TCF15: variants seen among roughly 807,000 people sequenced by gnomAD.
TCF15 encodes the protein transcription factor 15, also known as TCF-15.
Under a neutral mutation model 11.1 loss-of-function variants are expected in TCF15, and 7 were observed. The ratio of observed to expected loss-of-function variants is 0.63; its 90% CI spans 0.36 to 1.19. The LOEUF (loss-of-function observed/expected upper bound fraction) is 1.19, where lower values mean the gene tolerates loss of function less well. TCF15 is among the 50% of genes most tolerant of loss of function. The pLI, the probability that TCF15 is intolerant of heterozygous loss-of-function variation, is 0.02. For synonymous variants in TCF15, 144 were observed against 138.9 expected (o/e 1.04, Z -0.26); for missense variants, 288 against 289.4 (o/e 1.00, Z 0.03).
At chr20:606,709 T>G (rs923439308) in intron 1 of TCF15, among the ~76,000 whole-genome samples, 3 of 151,962 alleles carry the variant, frequency 2.0e-5, no homozygotes, top group Admixed American at 6.5e-5. Flanking sequence ...TCCCAGCTAC[T>G]TGGGAGGCTG....
At chr20:607,047 C>T (rs1031735252) in intron 1 of TCF15, among the ~76,000 whole-genome samples, 2 of 152,218 alleles carry the variant, frequency 1.3e-5, no homozygotes, top group East Asian at 1.9e-4. Flanking sequence ...TACAGGATCA[C>T]ACAAGCTAAT....
chr20:610,252 T>A lies in TCF15; in HGVS notation c.-15A>T, dbSNP rs1428946947. ...GCGAACGCCATGGGCGCCGGCCGCGTCCCTCCGTGCGCCGCGTCCCAGCGT... is the reference window on the plus strand; with the variant it reads ...GCGAACGCCATGGGCGCCGGCCGCGACCCTCCGTGCGCCGCGTCCCAGCGT... On this transcript the variant is annotated 5_prime_UTR_variant, in exon 1 of 2. Transcript: ENST00000246080. 3.0e-6 allele frequency: 3 copies of A among 992,038 alleles called. No individual in the cohort carries two copies. In the East Asian group the frequency reaches 3.3e-4, roughly 110 times the overall value. 61.5% of individuals were successfully genotyped at this position (992,038 alleles called of 1,614,324 possible).
rs534871026 is a variant in TCF15, at chr20:609,292, C to T, written c.525+421G>A. On this transcript the variant is annotated intron_variant, in intron 1 of 1. Transcript: ENST00000246080. This position sits in a 1 kb window ranked among gnomAD's most constrained non-coding sequence, Gnocchi z 4.7. ...GTGATCCCATCTCTGATGCTCAGATCCTCATCAGGATAAAATGGGCAGAAA... is the reference window on the plus strand; with the variant it reads ...GTGATCCCATCTCTGATGCTCAGATTCTCATCAGGATAAAATGGGCAGAAA... Among the ~76,000 whole-genome samples the T allele has an allele frequency of 6.6e-6, 1 of 152,296 alleles. No homozygotes were observed. The highest frequency in any genetic ancestry group is 1.9e-4 in the East Asian group (1 of 5,176).
Position 609,688 on chromosome 20 carries a change from G to A in TCF15, c.525+25C>T, listed in dbSNP as rs1210330644. The stretch of plus-strand genomic sequence containing the variant: ...CCCCGCCTACCCCGACCTGGCGGCC[G>A]CAGCGAGGGACGCAGCACACTCACC... On this transcript the variant is annotated intron_variant, in intron 1 of 1. Transcript: ENST00000246080. This position sits in a 1 kb window ranked among gnomAD's most constrained non-coding sequence, Gnocchi z 4.7. 1 of 1,336,890 alleles carries A rather than the reference G, an allele frequency of 7.5e-7. No homozygotes were observed. The allele number at this position is 1,336,890 out of a possible 1,614,324, so 82.8% of individuals were successfully genotyped here. A position where few individuals can be genotyped will look rare whatever the true frequency, so the allele number is the denominator to read the frequency against.
Position 604,618 on chromosome 20 carries a change from C to A in TCF15, c.573G>T (p.Val191=), listed in dbSNP as rs368082189. Residue 191 remains valine (V), a synonymous_variant, in exon 2 of 2, where the codon GTG becomes GTT. Transcript: ENST00000246080. The surrounding 1 kb of genome is among the most constrained non-coding windows in gnomAD (Gnocchi z 4.2). ...LGGSCLKVRG[V]APLRGPRR ...ATCTCCGTGGCCCTCGAAGGGGGGC[C>A]ACCCCCCTCACCTTCAAGCAGCTGC... 334 of 1,553,716 alleles carry A rather than the reference C, an allele frequency of 2.1e-4. No homozygotes were observed. In the African/African-American group the frequency reaches 4.1e-3, roughly 19 times the overall value.
chr20:609,905 G>A lies in TCF15; in HGVS notation c.333C>T (p.Ile111=). The A allele has an allele frequency of 6.6e-7, 1 of 1,523,956 alleles. No individual in the cohort carries two copies. Among genetic ancestry groups the A allele is most frequent in the South Asian group, 1.2e-5 (1 of 81,722 alleles). 94.4% of individuals were successfully genotyped at this position (1,523,956 alleles called of 1,614,324 possible). Residue 111 remains isoleucine, a synonymous_variant, in exon 1 of 2, where the codon ATC becomes ATT. Transcript: ENST00000246080. The surrounding 1 kb of genome is among the most constrained non-coding windows in gnomAD (Gnocchi z 4.7). ...AGCTGGACGCCAGGCGCACGGTCTC[G>A]ATCTTGGACAGCTTGCGGTCCACCG... is the stretch of plus-strand genomic sequence containing the variant. ...TEPVDRKLSK[I]ETVRLASSYI...
At chr20:607,976 C>T (rs1600450146) in intron 1 of TCF15, among the ~76,000 whole-genome samples, 1 of 152,198 alleles carries the variant, frequency 6.6e-6, no homozygotes. Flanking sequence ...TTGTGCTCCC[C>T]CTCTGCACTC....
chr20:610,119 C>A lies in TCF15; in HGVS notation c.119G>T (p.Cys40Phe), dbSNP rs906468713. The A allele has an allele frequency of 4.9e-6, 5 of 1,014,274 alleles. No homozygotes were observed. Among genetic ancestry groups the A allele is most frequent in the Non-Finnish European group, 5.9e-6 (5 of 845,868 alleles). The allele number at this position is 1,014,274 out of a possible 1,614,324, so 62.8% of individuals were successfully genotyped here. ...CCGCGCCGCCTCCGGGCCCTCGCAG[C>A]AGCCGAACGACTGGTCCGACGCGTC... ...ESDASDQSFGCCEGPEAARRG... is the reference protein window; with the variant it reads ...ESDASDQSFGFCEGPEAARRG... The change falls in exon 1 of 2, where the codon TGC becomes TTC. Residue 40 changes from cysteine to phenylalanine, a missense_variant. By Grantham distance (205) the Cys-to-Phe change is radical. Coordinates refer to ENST00000246080, the MANE Select transcript of TCF15 (RefSeq NM_004609.4).
intron 1 of TCF15, among the ~76,000 whole-genome samples, chr20:607,475 A>G (rs1334324162): frequency 6.6e-6 from 1 of 152,242 alleles, no homozygotes; most frequent in Non-Finnish European, 1.5e-5. Context: ...AGAGCTCCCC[A>G]AGCCAGCCAG....
chr20:606,110 C>T (rs984658569), intron 1 of TCF15, among the ~76,000 whole-genome samples: 5 of 152,024 alleles, frequency 3.3e-5, no homozygotes, highest in African/African-American at 1.2e-4. Flanking sequence ...AGCCCAGCCT[C>T]CCTCGAGGCT....
At position 609,703 on chromosome 20, in the gene TCF15, G is replaced by A; in HGVS notation, c.525+10C>T. The A allele has an allele frequency of 7.4e-7, 1 of 1,358,970 alleles. No individual in the cohort carries two copies. Among genetic ancestry groups the A allele is most frequent in the Non-Finnish European group, 9.4e-7 (1 of 1,067,082 alleles). 84.2% of individuals were successfully genotyped at this position (1,358,970 alleles called of 1,614,324 possible). ...CCTGGCGGCCGCAGCGAGGGACGCA[G>A]CACACTCACCCCCTTGCGCTGGTTG... On this transcript the variant is annotated intron_variant, in intron 1 of 1. Transcript: ENST00000246080. This position sits in a 1 kb window ranked among gnomAD's most constrained non-coding sequence, Gnocchi z 4.7.
chr20:605,804 G>A (rs972694647), intron 1 of TCF15, among the ~76,000 whole-genome samples: 1 of 152,228 alleles, frequency 6.6e-6, no homozygotes, highest in African/African-American at 2.4e-5. Context: ...GGTCACAGAT[G>A]TTAAAGCACC....
intron 1 of TCF15, among the ~76,000 whole-genome samples, chr20:605,304 TGCATGCCTA>T (rs1170291689): frequency 1.3e-5 from 2 of 152,258 alleles, no homozygotes; most frequent in Non-Finnish European, 2.9e-5. Context: ...CCTGCCTGAC[TGCATGCCTA>T]GCGGCTCACT....
In TCF15 at chr20:604,347, C is replaced by T; in HGVS notation, c.*244G>A. On this transcript the variant is annotated 3_prime_UTR_variant, in exon 2 of 2. Coordinates refer to ENST00000246080, the MANE Select transcript of TCF15 (RefSeq NM_004609.4). The surrounding 1 kb of genome is among the most constrained non-coding windows in gnomAD (Gnocchi z 4.2). ...CACAGATACACACACACCCTGTCAC[C>T]AACAGTCTTTGTTTTTCCAAAAGTT... The T allele has an allele frequency of 3.4e-6, 2 of 586,424 alleles. No homozygotes were observed. Among genetic ancestry groups the T allele is most frequent in the Non-Finnish European group, 6.1e-6 (2 of 326,484 alleles). The allele number at this position is 586,424 out of a possible 1,614,324, so 36.3% of individuals were successfully genotyped here.
intron 1 of TCF15, among the ~76,000 whole-genome samples, chr20:606,529 T>C (rs564174538): frequency 2.0e-5 from 3 of 152,292 alleles, no homozygotes; most frequent in Non-Finnish European, 4.4e-5. Context: ...AGAAGAGGTC[T>C]TGACGGCCGG....
chr20:606,625 T>C (rs1293938160), intron 1 of TCF15, among the ~76,000 whole-genome samples: 1 of 152,096 alleles, frequency 6.6e-6, no homozygotes, highest in Admixed American at 6.5e-5. Context: ...GAGACCAGCC[T>C]GGCCAACATG....
At chr20:606,553 T>C (rs1181774607) in intron 1 of TCF15, among the ~76,000 whole-genome samples, 1 of 152,188 alleles carries the variant, frequency 6.6e-6, no homozygotes, top group African/African-American at 2.4e-5. Context: ...TGGTGGCTTA[T>C]GCCTGTAATC....
In TCF15 at chr20:604,900, G is replaced by A. The variant is rs2019959768; in HGVS notation, c.526-235C>T. On this transcript the variant is annotated intron_variant, in intron 1 of 1. Coordinates refer to ENST00000246080, the MANE Select transcript of TCF15 (RefSeq NM_004609.4). This position sits in a 1 kb window ranked among gnomAD's most constrained non-coding sequence, Gnocchi z 4.2. ...CAGGCTGAATGCGCCTGTGTGCTGT[G>A]ATTGCTGGGGAGAAGCACACACGGG... Among the ~76,000 whole-genome samples the A allele has an allele frequency of 6.6e-6, 1 of 152,202 alleles. No homozygotes were observed. Among genetic ancestry groups the A allele is most frequent in the Admixed American group, 6.5e-5 (1 of 15,282 alleles).
Position 609,112 on chromosome 20 carries a change from C to T in TCF15, c.525+601G>A, listed in dbSNP as rs2020000709. 1.3e-5 allele frequency among the ~76,000 whole-genome samples: 2 copies of T among 152,184 alleles called. No homozygotes were observed. The highest frequency in any genetic ancestry group is 6.5e-5 in the Admixed American group (1 of 15,288). On this transcript the variant is annotated intron_variant, in intron 1 of 1. Transcript: ENST00000246080. The surrounding 1 kb of genome is among the most constrained non-coding windows in gnomAD (Gnocchi z 4.7). ...CTGCTCATCCGCTGGGTACCTCAGG[C>T]TCTCGGTTGGCGGTTTGTGGCCTCC...
Sources: allele counts gnomAD v4.1 joint callset (sites outside exome capture counted in the v4.1 genomes callset), GRCh38; gene constraint gnomAD v4.1.1; non-coding constraint Gnocchi (gnomAD v3.1); transcripts MANE v1.5; gene names NCBI Gene and HGNC (gene_info 2026-07-23, HGNC 2026-07-21).